Variants in CTBP2 observed in about 807,000 individuals in gnomAD.
CTBP2 encodes the protein C-terminal-binding protein 2.
CTBP2 carries 30 observed loss-of-function variants against 80.3 expected under a neutral mutation model. That is an observed-to-expected ratio of 0.37 (90% CI 0.28 to 0.51). CTBP2 has a LOEUF of 0.51. Among genes scored for constraint, CTBP2 ranks in the 20% least tolerant of loss-of-function variants. The probability of loss-of-function intolerance (pLI) is 0.93; values close to 1 mark genes in which losing one functional copy is unlikely to be tolerated. For missense variants in CTBP2, 1,212 were observed against 1,375.3 expected, an observed-to-expected ratio of 0.88 and a Z score of 1.88; for synonymous variants, 594 against 587.4, an observed-to-expected ratio of 1.01 and a Z score of -0.16.
chr10:125,133,192 G>A (rs951984728), intron 1 of CTBP2, among the ~76,000 whole-genome samples: 1 of 152,138 alleles, frequency 6.6e-6, no homozygotes, highest in African/African-American at 2.4e-5. Context: ...ACATACAGCA[G>A]GTCAGTGAGC....
At chr10:125,080,868 C>G (rs1054436742) in intron 2 of CTBP2, among the ~76,000 whole-genome samples, 1 of 151,922 alleles carries the variant, frequency 6.6e-6, no homozygotes, top group Non-Finnish European at 1.5e-5. Flanking sequence ...CATGCGTCAC[C>G]TCCACAAATT....
chr10:125,014,818 C>T (rs1166598732), intron 1 of CTBP2, among the ~76,000 whole-genome samples: 1 of 152,262 alleles, frequency 6.6e-6, no homozygotes, highest in Non-Finnish European at 1.5e-5. Context: ...TGCTCAGAAT[C>T]CAGGCTCTCC....
upstream of CTBP2, among the ~76,000 whole-genome samples, chr10:125,029,593 T>C (rs1325432635): frequency 1.3e-5 from 2 of 152,190 alleles, no homozygotes; most frequent in African/African-American, 2.4e-5. Flanking sequence ...TGCCAATTTC[T>C]TTCCTCCCCT....
rs1464654224 is a variant in CTBP2 at position 125,027,441 on chromosome 10, G to A, written c.319C>T (p.Pro107Ser). ...GACGGATCACTGTAGTACTCCCGTG[G>A]CAGCAGGGGGCTGCGACCAGACATC... The change falls in exon 1 of 9, where the codon CCA becomes TCA. Residue 107 changes from proline (P) to serine (S), a missense_variant. Transcript: ENST00000309035. 2.5e-6 allele frequency: 4 copies of A among 1,614,024 alleles called. No individual in the cohort carries two copies. The highest frequency in any genetic ancestry group is 1.3e-5 in the African/African-American group (1 of 74,928).
chr10:125,029,302 C>T (rs971704706), upstream of CTBP2, among the ~76,000 whole-genome samples: 1 of 144,622 alleles, frequency 6.9e-6, no homozygotes, highest in Non-Finnish European at 1.5e-5. Context: ...AGTGCAATGG[C>T]GCGATCTCGG....
intron 2 of CTBP2, among the ~76,000 whole-genome samples, chr10:125,070,791 A>G (rs61869187): frequency 0.11 from 16,774 of 151,698 alleles, 1,115 homozygotes; most frequent in African/African-American, 0.18. Context: ...TCAGCCTCCC[A>G]AGTTGCTGGG....
chr10:125,023,244 A>C (rs972876923), intron 1 of CTBP2, among the ~76,000 whole-genome samples: 1 of 152,248 alleles, frequency 6.6e-6, no homozygotes, highest in Non-Finnish European at 1.5e-5. Flanking sequence ...GAAAAAGCTC[A>C]GAAAGATCTT....
At chr10:125,099,046 G>C (rs1850203775) in intron 2 of CTBP2, among the ~76,000 whole-genome samples, 1 of 152,226 alleles carries the variant, frequency 6.6e-6, no homozygotes, top group South Asian at 2.1e-4. Context: ...ATGGAGTCTA[G>C]GGAGACACTG....
intron 1 of CTBP2, among the ~76,000 whole-genome samples, chr10:125,115,210 C>T (rs544173491): frequency 1.3e-5 from 2 of 152,270 alleles, no homozygotes; most frequent in Admixed American, 6.5e-5. Flanking sequence ...TAAAGGGGCC[C>T]TTGCACCCTG....
At chr10:125,161,364 C>A (rs1000115541), upstream of CTBP2, among the ~76,000 whole-genome samples, 1 of 152,042 alleles carries the variant, frequency 6.6e-6, no homozygotes, top group African/African-American at 2.4e-5. Context: ...CCTTCATCCT[C>A]CTCCGCCCCT....
In CTBP2 at chr10:124,992,474, C is replaced by T. The variant is rs368036364; in HGVS notation, c.2777+221G>A. On this transcript the variant is annotated intron_variant, in intron 8 of 8. Coordinates refer to ENST00000309035, the MANE Select transcript of CTBP2 (RefSeq NM_022802.3). ...GCACCTGTGGTCAATCACATCTGAC[C>T]GAACACACCCCCTTTTAAAATAGGA... 2.7e-4 allele frequency among the ~76,000 whole-genome samples: 41 copies of T among 152,166 alleles called. No individual in the cohort carries two copies. The South Asian group carries it at 7.9e-3, about 29-fold the overall frequency.
chr10:125,129,283 T>C (rs1482336562), intron 1 of CTBP2, among the ~76,000 whole-genome samples: 15 of 152,104 alleles, frequency 9.9e-5, no homozygotes, highest in African/African-American at 3.1e-4. Context: ...GGAGTGACTG[T>C]AGCTCTTGGT....
At chr10:125,058,569 A>C (rs570007612) in intron 2 of CTBP2, among the ~76,000 whole-genome samples, 4 of 152,164 alleles carry the variant, frequency 2.6e-5, no homozygotes, top group Middle Eastern at 6.8e-3. Context: ...AGGCGGGCAG[A>C]TCACCTGAGG....
At chr10:125,082,575 C>T (rs1847332542) in intron 2 of CTBP2, among the ~76,000 whole-genome samples, 1 of 150,112 alleles carries the variant, frequency 6.7e-6, no homozygotes, top group East Asian at 2.0e-4. Context: ...CATGATCATT[C>T]TGCCAGCTTT....
At chr10:125,132,589 C>T (rs1447916197) in intron 1 of CTBP2, among the ~76,000 whole-genome samples, 14 of 152,152 alleles carry the variant, frequency 9.2e-5, no homozygotes, top group Admixed American at 8.5e-4. Flanking sequence ...AGCTGTCTCC[C>T]AGCACACCCC....
In CTBP2 at chr10:124,987,996, C is replaced by G. The variant is rs1362218881; in HGVS notation, c.*1522G>C. ...AAACAGTTTCAAGGTTCACTTCCCTCCCTTGAACCAGGTCCAGGTCATTTT... is the reference window on the plus strand; with the variant it reads ...AAACAGTTTCAAGGTTCACTTCCCTGCCTTGAACCAGGTCCAGGTCATTTT... On this transcript the variant is annotated 3_prime_UTR_variant, in exon 9 of 9. Coordinates refer to ENST00000309035, the MANE Select transcript of CTBP2 (RefSeq NM_022802.3). The G allele has an allele frequency of 6.6e-6, 1 of 152,498 alleles. No homozygotes were observed. Among genetic ancestry groups the G allele is most frequent in the Non-Finnish European group, 1.5e-5 (1 of 67,946 alleles). The allele number at this position is 152,498 out of a possible 1,614,324, so 9.4% of individuals were successfully genotyped here.
At chr10:125,152,886 G>A (rs1001298178) in intron 1 of CTBP2, among the ~76,000 whole-genome samples, 2 of 150,456 alleles carry the variant, frequency 1.3e-5, no homozygotes, top group Admixed American at 1.3e-4. Flanking sequence ...ACAGCTGAAC[G>A]TCTGGAGAAA....
At chr10:125,155,256 G>A (rs538159195) in intron 1 of CTBP2, among the ~76,000 whole-genome samples, 60 of 152,300 alleles carry the variant, frequency 3.9e-4, no homozygotes, top group African/African-American at 1.3e-3. Flanking sequence ...TTCCCATCCC[G>A]TCCACAGCTC....
At chr10:125,146,792 A>AT (rs1307208362) in intron 1 of CTBP2, among the ~76,000 whole-genome samples, 1 of 152,170 alleles carries the variant, frequency 6.6e-6, no homozygotes, top group Non-Finnish European at 1.5e-5. Context: ...GAGAAAAGAT[A>AT]TTTGAACATT....
Sources: gnomAD v4.1 joint callset for allele counts (sites outside exome capture counted in the v4.1 genomes callset) on GRCh38, gnomAD v4.1.1 for gene constraint, MANE v1.5 for transcripts, NCBI Gene and HGNC (gene_info 2026-07-23, HGNC 2026-07-21) for gene names.